Variants in NAV3 observed in about 807,000 individuals in gnomAD.
The protein encoded by NAV3 is pore membrane and/or filament interacting like protein 1.
NAV3 carries 87 observed loss-of-function variants against 244.7 expected under a neutral mutation model. That is an observed-to-expected ratio of 0.36 (90% CI 0.30 to 0.42). The LOEUF is 0.42. NAV3 is among the 20% of genes least tolerant of loss of function. The pLI is 1.00. For synonymous variants in NAV3, 1,126 were observed against 1,042.2 expected (o/e 1.08, Z -1.55); for missense variants, 2,663 against 2,893.3 (o/e 0.92, Z 1.83).
intron 12 of NAV3, among the ~76,000 whole-genome samples, chr12:78,075,639 G>C (rs1048196551): frequency 3.9e-5 from 6 of 152,190 alleles, no homozygotes; most frequent in Non-Finnish European, 8.8e-5. Flanking sequence ...AGTGAAAAGA[G>C]AGTATGAGAT....
intron 2 of NAV3, among the ~76,000 whole-genome samples, chr12:77,641,213 A>T (rs1267873520): frequency 6.6e-6 from 1 of 152,076 alleles, no homozygotes; most frequent in African/African-American, 2.4e-5. Flanking sequence ...AAGTCTGAGT[A>T]TCAAGTTGCC....
chr12:77,992,429 G>A (rs1871606455), intron 5 of NAV3, among the ~76,000 whole-genome samples: 1 of 152,276 alleles, frequency 6.6e-6, no homozygotes, highest in African/African-American at 2.4e-5. Context: ...AGAGTCAGCT[G>A]TTGAGATTTT....
In NAV3 at chr12:78,118,008, G is replaced by T; in HGVS notation, c.2770-19G>T. On this transcript the variant is annotated intron_variant, in intron 13 of 39. Coordinates refer to ENST00000397909, the MANE Select transcript of NAV3 (RefSeq NM_001024383.2). ...AAATTTTTCTACATAAAGTTTTTCT[G>T]TAATATTTGTCTTTATAGCTGAGGA... 6.5e-7 allele frequency: 1 copy of T among 1,534,324 alleles called. No homozygotes were observed. The highest frequency in any genetic ancestry group is 8.8e-7 in the Non-Finnish European group (1 of 1,138,260).
At chr12:78,088,998 A>C (rs1168608160) in intron 12 of NAV3, among the ~76,000 whole-genome samples, 12 of 152,148 alleles carry the variant, frequency 7.9e-5, no homozygotes, top group Admixed American at 7.9e-4. Context: ...TTGCTCATTG[A>C]TCTCTTAGCA....
At chr12:77,994,590 G>T (rs1424184483) in intron 5 of NAV3, among the ~76,000 whole-genome samples, 2 of 132,838 alleles carry the variant, frequency 1.5e-5, no homozygotes, top group African/African-American at 3.0e-5. Flanking sequence ...TTTATGACAA[G>T]GTGTGCACTG....
chr12:77,973,099 C>CT (rs1893136517), intron 5 of NAV3, among the ~76,000 whole-genome samples: 1 of 152,016 alleles, frequency 6.6e-6, no homozygotes, highest in African/African-American at 2.4e-5. Flanking sequence ...TTGCTAAAAG[C>CT]TTTTTTAAAA....
chr12:78,177,197 A>G lies in NAV3; in HGVS notation c.5181A>G (p.Ser1727=). The change falls in exon 27 of 40, where the codon TCA becomes TCG. Residue 1727 remains serine (S), a synonymous_variant. Transcript: ENST00000397909. ...AGAAAAAGTCCACCAAGCCTCCTTC[A>G]TCACATTCTGACATTGAAGAGCTTA... is the stretch of plus-strand genomic sequence containing the variant. The part of the protein sequence containing the change: ...FGKKKSTKPP[S]SHSDIEELTD... The G allele has an allele frequency of 6.2e-7, 1 of 1,613,532 alleles. No individual in the cohort carries two copies. Among genetic ancestry groups the G allele is most frequent in the Non-Finnish European group, 8.5e-7 (1 of 1,179,624 alleles).
In NAV3 at chr12:78,122,175, T is replaced by C. The variant is rs1955700156; in HGVS notation, c.3985T>C (p.Leu1329=). Residue 1329 remains leucine, a synonymous_variant, in exon 16 of 40, where the codon TTG becomes CTG. Coordinates refer to ENST00000397909, the MANE Select transcript of NAV3 (RefSeq NM_001024383.2). ...AGATGTTATAAGCTTAAGTCACTCG[T>C]TGGCCTCCAGCCCAGCATCGGTTCA... ...TTDVISLSHS[L]ASSPASVHSF... is the part of the protein sequence containing the mutation. 1 of 1,614,130 alleles carries C rather than the reference T, an allele frequency of 6.2e-7. No individual in the cohort carries two copies. The highest frequency in any genetic ancestry group is 2.2e-5 in the East Asian group (1 of 44,860).
At chr12:78,138,002 C>T (rs763996000) in intron 19 of NAV3, among the ~76,000 whole-genome samples, 2 of 151,960 alleles carry the variant, frequency 1.3e-5, no homozygotes, top group Non-Finnish European at 2.9e-5. Context: ...ACTGTAGAAG[C>T]TCAAATGTCA....
At chr12:78,078,094 C>CTG (rs1953146231) in intron 12 of NAV3, among the ~76,000 whole-genome samples, 1 of 151,946 alleles carries the variant, frequency 6.6e-6, no homozygotes, top group African/African-American at 2.4e-5. Flanking sequence ...ATTGTCTTCC[C>CTG]TGTGTGTGTC....
intron 5 of NAV3, among the ~76,000 whole-genome samples, chr12:77,983,541 G>T (rs963985637): frequency 2.0e-5 from 3 of 152,156 alleles, no homozygotes; most frequent in African/African-American, 4.8e-5. Context: ...TGACTAGTAT[G>T]TGGCTCCGGA....
intron 30 of NAV3, among the ~76,000 whole-genome samples, chr12:78,183,040 G>A (rs1244411278): frequency 6.6e-6 from 1 of 151,932 alleles, no homozygotes; most frequent in Non-Finnish European, 1.5e-5. Flanking sequence ...AGTAAAGACA[G>A]ACATTTCAGA....
intron 2 of NAV3, among the ~76,000 whole-genome samples, chr12:77,717,313 A>C (rs1876406620): frequency 6.6e-6 from 1 of 152,006 alleles, no homozygotes; most frequent in South Asian, 2.1e-4. Context: ...TCAGTATTCT[A>C]CTTTCTCCTT....
chr12:78,044,576 T>A (rs148002511), intron 9 of NAV3, among the ~76,000 whole-genome samples: 1,611 of 152,336 alleles, frequency 0.011, 29 homozygotes, highest in African/African-American at 0.037. Context: ...TGGAATGTTT[T>A]TTCGTTTGTT....
intron 2 of NAV3, among the ~76,000 whole-genome samples, chr12:77,598,896 C>CA (rs1203784629): frequency 6.6e-6 from 1 of 151,898 alleles, no homozygotes; most frequent in Non-Finnish European, 1.5e-5. Context: ...TAAAATTGCA[C>CA]AATATGGTAT....
At chr12:78,142,669 ATACATATATATG>A (rs1956668885) in intron 20 of NAV3, among the ~76,000 whole-genome samples, 1 of 118,676 alleles carries the variant, frequency 8.4e-6, no homozygotes, top group Non-Finnish European at 1.8e-5. Flanking sequence ...ATGTATATAT[ATACATATATATG>A]TGTATATATA....
chr12:77,990,282 G>A (rs1434275840), intron 5 of NAV3, among the ~76,000 whole-genome samples: 2 of 152,148 alleles, frequency 1.3e-5, no homozygotes, highest in Non-Finnish European at 2.9e-5. Context: ...GAAGGCATGT[G>A]GCTACATGCA....
At chr12:77,634,126 AT>A (rs5799341) in intron 2 of NAV3, among the ~76,000 whole-genome samples, 1 of 149,442 alleles carries the variant, frequency 6.7e-6, no homozygotes, top group African/African-American at 2.4e-5. Flanking sequence ...CAAATCTCCC[AT>A]TTTTTTTTTT....
chr12:77,581,541 T>C (rs922131467), intron 2 of NAV3, among the ~76,000 whole-genome samples: 3 of 152,172 alleles, frequency 2.0e-5, no homozygotes, highest in African/African-American at 2.4e-5. Flanking sequence ...AGTAGTTCTT[T>C]AGTGCACAGT....
Sources: allele counts gnomAD v4.1 joint callset (sites outside exome capture counted in the v4.1 genomes callset), GRCh38; gene constraint gnomAD v4.1.1; transcripts MANE v1.5; gene names NCBI Gene and HGNC (gene_info 2026-07-23, HGNC 2026-07-21).